The following MBNL1 variants were observed in gnomAD, a reference collection of about 807,000 sequenced individuals.
MBNL1 encodes muscleblind like splicing regulator 1.
In MBNL1, 8 loss-of-function variants were observed where a neutral mutation model predicts 42.2. The observed-to-expected ratio is 0.19, with a 90% CI of 0.11 to 0.34. The LOEUF (loss-of-function observed/expected upper bound fraction) is 0.34, where lower values mean the gene tolerates loss of function less well. MBNL1 is among the 10% of genes least tolerant of loss of function. The probability of loss-of-function intolerance (pLI) is 1.00; values close to 1 mark genes in which losing one functional copy is unlikely to be tolerated. For synonymous variants in MBNL1, 169 were observed against 173.9 expected, an observed-to-expected ratio of 0.97 and a Z score of 0.22; for missense variants, 309 against 495.3, an observed-to-expected ratio of 0.62 and a Z score of 3.57.
chr3:152,445,470 G>A lies in MBNL1; in HGVS notation c.738G>A (p.Lys246=). 1 of 1,608,628 alleles carries A rather than the reference G, an allele frequency of 6.2e-7. No individual in the cohort carries two copies. Among genetic ancestry groups the A allele is most frequent in the Non-Finnish European group, 8.5e-7 (1 of 1,176,650 alleles). ...YFHPPAHLQA[K]IKAAQYQVNQ... ...ATCCCCCTGCACATTTGCAAGCCAAGATCAAGGCTGCCCAATACCAGGTCA... is the reference window on the plus strand; with the variant it reads ...ATCCCCCTGCACATTTGCAAGCCAAAATCAAGGCTGCCCAATACCAGGTCA... Residue 246 remains lysine, a synonymous_variant, in exon 5 of 10, where the codon AAG becomes AAA. Transcript: ENST00000324210.
At chr3:152,314,752 G>A (rs1336126067) in intron 2 of MBNL1, among the ~76,000 whole-genome samples, 2 of 152,170 alleles carry the variant, frequency 1.3e-5, no homozygotes, top group Non-Finnish European at 2.9e-5. Context: ...AGGAGAGCAT[G>A]TACTTTTTCC....
Position 152,256,774 on chromosome 3 carries a change from A to G in MBNL1, n.333+12334A>G, listed in dbSNP as rs188960375. Among the ~76,000 whole-genome samples, 124 of 152,296 alleles carry G rather than the reference A, an allele frequency of 8.1e-4. 1 individual carries two copies. Among genetic ancestry groups the G allele is most frequent in the African/African-American group, 2.8e-3 (117 of 41,562 alleles). On this transcript the variant is annotated intron_variant and non_coding_transcript_variant, in intron 2 of 2. Transcript: ENST00000477171. ...AATATTTATTTGTTAGGAATGATGG[A>G]AAAAATGGCCTTCCCTCATACTTAA...
chr3:152,287,887 A>G (rs2053493690), intron 1 of MBNL1, among the ~76,000 whole-genome samples: 1 of 152,238 alleles, frequency 6.6e-6, no homozygotes, highest in African/African-American at 2.4e-5. Flanking sequence ...CAGAATGCAC[A>G]GAACCTTATG....
intron 3 of MBNL1, among the ~76,000 whole-genome samples, chr3:152,427,383 G>A (rs1196773379): frequency 2.6e-5 from 4 of 152,018 alleles, no homozygotes; most frequent in Admixed American, 6.6e-5. Context: ...TATTTTATTC[G>A]TCATTTGCTA....
At chr3:152,406,494 G>A (rs2098431419) in intron 2 of MBNL1, among the ~76,000 whole-genome samples, 1 of 152,154 alleles carries the variant, frequency 6.6e-6, no homozygotes, top group African/African-American at 2.4e-5. Flanking sequence ...ATGTGTGTGT[G>A]ATTTGTTGCC....
chr3:152,350,238 T>C (rs1578440864), intron 2 of MBNL1, among the ~76,000 whole-genome samples: 1 of 152,116 alleles, frequency 6.6e-6, no homozygotes, highest in Non-Finnish European at 1.5e-5. Context: ...AGTTATTCTA[T>C]AGAGAAGACA....
chr3:152,363,283 T>C (rs962198486), intron 2 of MBNL1, among the ~76,000 whole-genome samples: 5 of 152,290 alleles, frequency 3.3e-5, no homozygotes, highest in Middle Eastern at 3.4e-3. Flanking sequence ...GAAGCTGTTA[T>C]GGGATTTTAT....
At chr3:152,425,016 A>G (rs1014822502) in intron 3 of MBNL1, among the ~76,000 whole-genome samples, 3 of 152,218 alleles carry the variant, frequency 2.0e-5, no homozygotes, top group Non-Finnish European at 4.4e-5. Flanking sequence ...CTTCATGACT[A>G]AAACACCAAA....
At position 152,360,403 on chromosome 3, in the gene MBNL1, T is replaced by C. The variant is rs2095846547; in HGVS notation, c.175-54538T>C. Among the ~76,000 whole-genome samples the C allele has an allele frequency of 2.0e-5, 3 of 152,172 alleles. No homozygotes were observed. In the South Asian group the frequency reaches 6.2e-4, roughly 31 times the overall value. On this transcript the variant is annotated intron_variant, in intron 2 of 9. Coordinates refer to ENST00000324210, the MANE Select transcript of MBNL1 (RefSeq NM_021038.5). ...TTAATAAAAATTTTAATTGTTTTCATTGAAAAAAATCAAATATGAACAATC... is the reference window on the plus strand; with the variant it reads ...TTAATAAAAATTTTAATTGTTTTCACTGAAAAAAATCAAATATGAACAATC...
At chr3:152,248,454 T>A (rs2033682237) in intron 2 of MBNL1, among the ~76,000 whole-genome samples, 1 of 152,038 alleles carries the variant, frequency 6.6e-6, no homozygotes, top group Non-Finnish European at 1.5e-5. Context: ...AAATATTTTA[T>A]CCCATTTGCT....
chr3:152,260,241 A>G (rs149875505), intron 2 of MBNL1, among the ~76,000 whole-genome samples: 1 of 152,308 alleles, frequency 6.6e-6, no homozygotes, highest in African/African-American at 2.4e-5. Context: ...AAACACATTC[A>G]TTACTGGGAG....
At chr3:152,272,896 A>T (rs1164553566) in intron 1 of MBNL1, among the ~76,000 whole-genome samples, 1 of 152,244 alleles carries the variant, frequency 6.6e-6, no homozygotes, top group Non-Finnish European at 1.5e-5. Context: ...GTTAAGCTGA[A>T]AAAAATGTGG....
intron 3 of MBNL1, among the ~76,000 whole-genome samples, chr3:152,426,677 C>T (rs563254819): frequency 6.6e-6 from 1 of 152,282 alleles, no homozygotes; most frequent in Admixed American, 6.5e-5. Flanking sequence ...GTGCCTTTAC[C>T]TGTGATCCCA....
At chr3:152,416,492 G>A (rs926843310) in intron 3 of MBNL1, among the ~76,000 whole-genome samples, 2 of 152,194 alleles carry the variant, frequency 1.3e-5, no homozygotes, top group African/African-American at 4.8e-5. Context: ...AGTCTCATTT[G>A]CACTTGGCTC....
chr3:152,357,660 G>C (rs535064085), intron 2 of MBNL1, among the ~76,000 whole-genome samples: 19 of 152,276 alleles, frequency 1.2e-4, no homozygotes, highest in Admixed American at 8.5e-4. Flanking sequence ...AACTGTGTTA[G>C]AGAAATTGAA....
chr3:152,352,436 C>T (rs929102241), intron 2 of MBNL1, among the ~76,000 whole-genome samples: 2 of 152,160 alleles, frequency 1.3e-5, no homozygotes, highest in Admixed American at 6.5e-5. Flanking sequence ...TCCTGGCTCA[C>T]GTCTCTAGGG....
chr3:152,447,531 T>C lies in MBNL1; in HGVS notation c.808-89T>C, dbSNP rs181529879. ...TGCTCTGCTGCTTGCTTGCTCATGCTTCCTAACAATTTTAGCCTTCGACTG... is the reference window on the plus strand; with the variant it reads ...TGCTCTGCTGCTTGCTTGCTCATGCCTCCTAACAATTTTAGCCTTCGACTG... On this transcript the variant is annotated intron_variant, in intron 5 of 9. Transcript: ENST00000324210. 30 of 1,029,718 alleles carry C rather than the reference T, an allele frequency of 2.9e-5. No homozygotes were observed. In the African/African-American group the frequency reaches 4.5e-4, roughly 15 times the overall value. The allele number at this position is 1,029,718 out of a possible 1,614,324, so 63.8% of individuals were successfully genotyped here.
rs1414618728 is a variant in MBNL1 at position 152,462,677 on chromosome 3, A to G, written c.*311A>G. The G allele has an allele frequency of 6.6e-6, 1 of 152,188 alleles. No individual in the cohort carries two copies. The highest frequency in any genetic ancestry group is 2.4e-5 in the African/African-American group (1 of 41,454). 9.4% of individuals were successfully genotyped at this position (152,188 alleles called of 1,614,324 possible). A position where few individuals can be genotyped will look rare whatever the true frequency, so the allele number is the denominator to read the frequency against. On this transcript the variant is annotated 3_prime_UTR_variant, in exon 10 of 10. Coordinates refer to ENST00000324210, the MANE Select transcript of MBNL1 (RefSeq NM_021038.5). ...GTTATGCATTCAAAGATGCATACCTAGTTAGTTTCCTATATATTCATGCCA... is the reference window on the plus strand; with the variant it reads ...GTTATGCATTCAAAGATGCATACCTGGTTAGTTTCCTATATATTCATGCCA...
At chr3:152,420,209 C>T (rs762308151) in intron 3 of MBNL1, among the ~76,000 whole-genome samples, 21 of 152,330 alleles carry the variant, frequency 1.4e-4, no homozygotes, top group Non-Finnish European at 2.6e-4. Context: ...TTTATTTCTG[C>T]CTGCCAGCTC....
Sources: allele counts gnomAD v4.1 joint callset (sites outside exome capture counted in the v4.1 genomes callset), GRCh38; gene constraint gnomAD v4.1.1; transcripts MANE v1.5; gene names NCBI Gene and HGNC (gene_info 2026-07-23, HGNC 2026-07-21).